The following CNTNAP2 variants were observed in gnomAD, a reference collection of about 807,000 sequenced individuals.
CNTNAP2 encodes the protein contactin-associated protein-like 2.
A neutral mutation model predicts 155.2 loss-of-function variants in CNTNAP2; 98 were observed. The observed-to-expected ratio is 0.63, with a 90% confidence interval of 0.54 to 0.75. CNTNAP2 has a LOEUF of 0.75. Among genes scored for constraint, CNTNAP2 ranks in the 30% least tolerant of loss-of-function variants. The pLI is 0.00. For synonymous variants in CNTNAP2, 651 were observed against 631.2 expected (o/e 1.03, Z -0.47); for missense variants, 1,727 against 1,688.1 (o/e 1.02, Z -0.40).
At chr7:146,856,297 G>GATAGATAC (rs869052895) in intron 3 of CNTNAP2, among the ~76,000 whole-genome samples, 3,316 of 116,374 alleles carry the variant, frequency 0.028, 52 homozygotes, top group East Asian at 0.055. Flanking sequence ...TAGATAGATA[G>GATAGATAC]ATACATACAT....
intron 8 of CNTNAP2, among the ~76,000 whole-genome samples, chr7:147,249,650 C>T (rs1390540891): frequency 7.5e-6 from 1 of 133,970 alleles, no homozygotes; most frequent in Non-Finnish European, 1.5e-5. Context: ...TCTTCAATCT[C>T]TCTCTCACAC....
intron 9 of CNTNAP2, among the ~76,000 whole-genome samples, chr7:147,309,816 C>T (rs1414822728): frequency 6.6e-6 from 1 of 151,932 alleles, no homozygotes; most frequent in Non-Finnish European, 1.5e-5. Context: ...GTTTGATGTA[C>T]AGATTATTTC....
chr7:147,481,423 AAG>A (rs995534524), intron 10 of CNTNAP2, among the ~76,000 whole-genome samples: 30 of 152,352 alleles, frequency 2.0e-4, no homozygotes, highest in African/African-American at 6.5e-4. Flanking sequence ...TCAGAAATAA[AAG>A]AGATGCTATG....
intron 17 of CNTNAP2, among the ~76,000 whole-genome samples, chr7:148,153,241 A>G (rs867190881): frequency 7.7e-4 from 50 of 64,936 alleles, no homozygotes; most frequent in Non-Finnish European, 1.3e-3. Flanking sequence ...AAAGTAACCG[A>G]AAAAAAAAAA....
rs545661925 is a variant in CNTNAP2, at chr7:148,420,924, T to C, written c.*5308T>C. 2.0e-5 allele frequency: 3 copies of C among 152,780 alleles called. No homozygotes were observed. Among genetic ancestry groups the C allele is most frequent in the African/African-American group, 7.2e-5 (3 of 41,584 alleles). 9.5% of individuals were successfully genotyped at this position (152,780 alleles called of 1,614,324 possible). ...ATGCCTAATATTCTTTGTGAATGTCTTTCATTTAACTAAAATTATATTAGA... is the reference window on the plus strand; with the variant it reads ...ATGCCTAATATTCTTTGTGAATGTCCTTCATTTAACTAAAATTATATTAGA... On this transcript the variant is annotated 3_prime_UTR_variant, in exon 24 of 24. Transcript: ENST00000361727.
At chr7:146,968,662 T>G (rs1287733387) in intron 3 of CNTNAP2, among the ~76,000 whole-genome samples, 1 of 151,834 alleles carries the variant, frequency 6.6e-6, no homozygotes, top group African/African-American at 2.4e-5. Context: ...TGATATCCCC[T>G]TTATCATTTT....
chr7:147,534,418 A>G (rs1280205341), intron 11 of CNTNAP2, among the ~76,000 whole-genome samples: 3 of 152,118 alleles, frequency 2.0e-5, no homozygotes, highest in South Asian at 4.1e-4. Flanking sequence ...TTAGAGCTCA[A>G]TTTCCTCTGC....
chr7:146,553,251 A>G (rs982415217), intron 1 of CNTNAP2, among the ~76,000 whole-genome samples: 2 of 152,174 alleles, frequency 1.3e-5, no homozygotes, highest in Admixed American at 6.6e-5. Flanking sequence ...ACATATATTT[A>G]TGTCTATTCT....
intron 3 of CNTNAP2, among the ~76,000 whole-genome samples, chr7:146,930,566 A>G (rs1313543433): frequency 6.6e-6 from 1 of 152,226 alleles, no homozygotes; most frequent in African/African-American, 2.4e-5. Context: ...TAATGACAGG[A>G]TGAAATTCAC....
chr7:148,189,378 G>C (rs1795167587), intron 18 of CNTNAP2, among the ~76,000 whole-genome samples: 1 of 152,074 alleles, frequency 6.6e-6, no homozygotes, highest in Non-Finnish European at 1.5e-5. Flanking sequence ...GTAGACAAAG[G>C]GAGGCCAACC....
intron 13 of CNTNAP2, among the ~76,000 whole-genome samples, chr7:147,733,005 G>A (rs1038756853): frequency 2.5e-4 from 38 of 152,182 alleles, no homozygotes; most frequent in African/African-American, 8.4e-4. Flanking sequence ...TCTGATGGTA[G>A]TTTCTTTTTT....
In CNTNAP2 at chr7:147,246,093, G is replaced by C. The variant is rs1041433225; in HGVS notation, c.1349-54048G>C. 1.5e-4 allele frequency among the ~76,000 whole-genome samples: 22 copies of C among 146,912 alleles called. 1 individual carries two copies. The highest frequency in any genetic ancestry group is 2.3e-4 in the African/African-American group (9 of 39,380). Reference sequence around the variant, plus strand: ...GCATATATATATATACATATATATGGCATATATATATATACACACATATAT... The same window carrying C: ...GCATATATATATATACATATATATGCCATATATATATATACACACATATAT... On this transcript the variant is annotated intron_variant, in intron 8 of 23. Transcript: ENST00000361727.
At chr7:147,318,782 G>A (rs1057151351) in intron 9 of CNTNAP2, among the ~76,000 whole-genome samples, 7 of 152,092 alleles carry the variant, frequency 4.6e-5, no homozygotes, top group Non-Finnish European at 8.8e-5. Context: ...GTACAGCTAT[G>A]TAATAAACCT....
chr7:146,445,844 C>T (rs1304290705), intron 1 of CNTNAP2, among the ~76,000 whole-genome samples: 3 of 152,106 alleles, frequency 2.0e-5, no homozygotes, highest in African/African-American at 7.2e-5. Flanking sequence ...GCTAGGTTAA[C>T]TTGAAATTCT....
intron 8 of CNTNAP2, among the ~76,000 whole-genome samples, chr7:147,186,765 G>T (rs1293837761): frequency 6.6e-6 from 1 of 152,202 alleles, no homozygotes; most frequent in African/African-American, 2.4e-5. Flanking sequence ...GAGGATGTGA[G>T]CACAGTGGGC....
intron 13 of CNTNAP2, among the ~76,000 whole-genome samples, chr7:147,894,957 C>CTTTTTTTTTTTTTTTGTTTT (rs1335822032): frequency 1.6e-5 from 1 of 62,860 alleles, no homozygotes; most frequent in African/African-American, 8.8e-5. Context: ...TTCTTTCTTT[C>CTTTTTTTTTTTTTTTGTTTT]TTTCTTTCTT....
chr7:147,817,716 A>T (rs918972149), intron 13 of CNTNAP2, among the ~76,000 whole-genome samples: 3 of 152,042 alleles, frequency 2.0e-5, no homozygotes, highest in Non-Finnish European at 4.4e-5. Context: ...ATCCTGGCTA[A>T]CATGGTGAAA....
rs548778903 is a variant in CNTNAP2, at chr7:148,172,610, C to A, written c.3010+132C>A. ...AAGATGATCAGAATTTTTCTCTCAA[C>A]TTAGGTAGGAATTTTCCAACCAAAA... On this transcript the variant is annotated intron_variant, in intron 18 of 23. Transcript: ENST00000361727. The A allele has an allele frequency of 8.2e-5, 72 of 879,724 alleles. No individual in the cohort carries two copies. The Admixed American group carries it at 1.0e-3, about 12-fold the overall frequency. The allele number at this position is 879,724 out of a possible 1,614,324, so 54.5% of individuals were successfully genotyped here.
intron 1 of CNTNAP2, among the ~76,000 whole-genome samples, chr7:146,416,348 A>T (rs930787076): frequency 6.6e-6 from 1 of 151,932 alleles, no homozygotes; most frequent in Non-Finnish European, 1.5e-5. Context: ...CCACATTTTG[A>T]CCTGCTCCAT....
Sources: gnomAD v4.1 joint callset for allele counts (sites outside exome capture counted in the v4.1 genomes callset) on GRCh38, gnomAD v4.1.1 for gene constraint, MANE v1.5 for transcripts, NCBI Gene and HGNC (gene_info 2026-07-23, HGNC 2026-07-21) for gene names.